The following USP7 variants were observed in gnomAD, a reference collection of about 807,000 sequenced individuals.
USP7 encodes ubiquitin specific peptidase 7, also known as ubiquitin C-terminal hydrolase 7.
In USP7, 9 loss-of-function variants were observed where a neutral mutation model predicts 162.9. The ratio of observed to expected loss-of-function variants is 0.06; its 90% CI spans 0.03 to 0.10. The LOEUF (loss-of-function observed/expected upper bound fraction) is 0.10, where lower values mean the gene tolerates loss of function less well. Ranked by LOEUF, USP7 falls within the 10% of genes least tolerant of loss-of-function variation. The probability of loss-of-function intolerance (pLI) is 1.00; values close to 1 mark genes in which losing one functional copy is unlikely to be tolerated. For missense variants in USP7, 715 were observed against 1,373.7 expected, an observed-to-expected ratio of 0.52 and a Z score of 7.58; for synonymous variants, 562 against 475.9, an observed-to-expected ratio of 1.18 and a Z score of -2.35.
chr16:8,945,369 G>A (rs908424055), intron 1 of USP7, among the ~76,000 whole-genome samples: 2 of 152,214 alleles, frequency 1.3e-5, no homozygotes, highest in African/African-American at 4.8e-5. Flanking sequence ...GGGCAACACA[G>A]CAAGATGCTG....
intron 1 of USP7, among the ~76,000 whole-genome samples, chr16:8,952,678 T>C (rs1567247604): frequency 1.3e-5 from 2 of 152,178 alleles, no homozygotes; most frequent in African/African-American, 4.8e-5. Flanking sequence ...CTTTGCCATG[T>C]AACGTAACAT....
intron 1 of USP7, among the ~76,000 whole-genome samples, chr16:8,952,562 T>TC (rs1413022527): frequency 6.6e-6 from 1 of 152,122 alleles, no homozygotes; most frequent in African/African-American, 2.4e-5. Context: ...TCTTCTCAGG[T>TC]CCCCTCACTC....
chr16:8,900,890 T>C (rs919549904), intron 20 of USP7, 100 bp downstream of exon 20: 21 of 1,206,246 alleles, frequency 1.7e-5, no homozygotes, highest in African/African-American at 9.2e-5. Flanking sequence ...AGTTAGCTGG[T>C]AGACCTAACA....
intron 23 of USP7, among the ~76,000 whole-genome samples, chr16:8,898,888 G>A (rs1413514349): frequency 6.6e-6 from 1 of 152,218 alleles, no homozygotes; most frequent in African/African-American, 2.4e-5. Context: ...ACACATGGGA[G>A]ATGCACTGAG....
chr16:8,930,447 T>G (rs201226219), intron 1 of USP7, 50 bp from the exon 2 acceptor site: 1 of 1,357,144 alleles, frequency 7.4e-7, no homozygotes, highest in Non-Finnish European at 1.0e-6. Context: ...ATGGCTTTAA[T>G]AGAATAAGCA....
At chr16:8,959,372 G>A (rs62031322) in intron 1 of USP7, among the ~76,000 whole-genome samples, 10 of 148,922 alleles carry the variant, frequency 6.7e-5, no homozygotes, top group Non-Finnish European at 1.5e-4. Context: ...AAAAAAAAAG[G>A]ATACCTTCTT....
At chr16:8,903,462 C>G in intron 15 of USP7, 60 bp from the exon 16 acceptor site, 1 of 1,564,862 alleles carries the variant, frequency 6.4e-7, no homozygotes, top group South Asian at 1.2e-5. Context: ...TGAGTCCACA[C>G]TGAACACATT....
intron 2 of USP7, among the ~76,000 whole-genome samples, chr16:8,928,270 T>C (rs1161689752): frequency 6.6e-6 from 1 of 152,150 alleles, no homozygotes; most frequent in African/African-American, 2.4e-5. Context: ...AAACTTCTAA[T>C]GAGGTGCTTC....
At chr16:8,962,800 C>G (rs1452759444) in intron 1 of USP7, 1 of 157,050 alleles carries the variant, frequency 6.4e-6, no homozygotes, top group Non-Finnish European at 1.4e-5. Flanking sequence ...CGGGCGAGCC[C>G]CGCGCCCGGG....
chr16:8,938,710 C>CAAA lies in USP7; in HGVS notation c.80-8316_80-8314dup, dbSNP rs397944053. On this transcript the variant is annotated intron_variant, in intron 1 of 30. Transcript: ENST00000344836. ...TGGGTAACACAGCAAGACTCCGTCT[C>CAAA]AAAAAAAAAAAAATTGGGGGGACGG... Among the ~76,000 whole-genome samples, 705 of 145,970 alleles carry CAAA rather than the reference C, an allele frequency of 4.8e-3. 3 individuals are homozygous for CAAA. Among genetic ancestry groups the CAAA allele is most frequent in the African/African-American group, 0.016 (629 of 39,564 alleles).
chr16:8,961,149 T>G (rs1179601638), intron 1 of USP7, among the ~76,000 whole-genome samples: 1 of 152,160 alleles, frequency 6.6e-6, no homozygotes, highest in East Asian at 1.9e-4. Flanking sequence ...CTTGAAAACG[T>G]GCATGGAGAC....
At position 8,921,302 on chromosome 16, in the gene USP7, A is replaced by G; in HGVS notation, c.384-7T>C. 1 of 1,612,572 alleles carries G rather than the reference A, an allele frequency of 6.2e-7. No homozygotes were observed. The highest frequency in any genetic ancestry group is 1.1e-5 in the South Asian group (1 of 90,734). On this transcript the variant is annotated splice_polypyrimidine_tract_variant and splice_region_variant and intron_variant, in intron 3 of 30. Transcript: ENST00000344836. ...TGCATGGCAAGACCATGACCTGTTT[A>G]AAAGAATAATCTGAGCCTTAGTTGA...
intron 15 of USP7, among the ~76,000 whole-genome samples, chr16:8,903,864 T>C (rs1333625819): frequency 7.9e-6 from 1 of 126,580 alleles, no homozygotes; most frequent in Non-Finnish European, 1.7e-5. Flanking sequence ...TGAAACTCTG[T>C]CTCAAAAAAA....
chr16:8,903,553 T>C, intron 15 of USP7, 151 bp from the exon 16 acceptor site: 1 of 1,049,970 alleles, frequency 9.5e-7, no homozygotes, highest in East Asian at 2.7e-5. Flanking sequence ...CCGCATAAAA[T>C]GACCAAAACC....
intron 15 of USP7, 77 bp downstream of exon 15, chr16:8,904,358 G>C: frequency 6.3e-7 from 1 of 1,575,728 alleles, no homozygotes; most frequent in Admixed American, 1.7e-5. Flanking sequence ...GAGGGGTGGG[G>C]GCTGACCTGC....
Position 8,893,345 on chromosome 16 carries a change from C to T in USP7, c.*653G>A, listed in dbSNP as rs1012739623. On this transcript the variant is annotated 3_prime_UTR_variant, in exon 31 of 31. Transcript: ENST00000344836. The stretch of plus-strand genomic sequence containing the variant: ...GTTCTTGATTTAATAAAAAGACCCC[C>T]ACAATGTCTGTCCGGACTGTATTCA... 2 of 152,220 alleles carry T rather than the reference C, an allele frequency of 1.3e-5. No individual in the cohort carries two copies. The highest frequency in any genetic ancestry group is 2.4e-5 in the African/African-American group (1 of 41,410). 9.4% of individuals were successfully genotyped at this position (152,220 alleles called of 1,614,324 possible).
chr16:8,894,956 GCAGATTCGGCAA>G, intron 28 of USP7, 63 bp downstream of exon 28: 1 of 1,613,192 alleles, frequency 6.2e-7, no homozygotes. Flanking sequence ...CAGCAGGAGC[GCAGATTCGGCAA>G]CAGCGGCCAC....
At chr16:8,948,615 T>C (rs535481839) in intron 1 of USP7, among the ~76,000 whole-genome samples, 2 of 152,274 alleles carry the variant, frequency 1.3e-5, no homozygotes, top group African/African-American at 4.8e-5. Context: ...CTTTGCTAAA[T>C]CATGGTGAAG....
intron 2 of USP7, among the ~76,000 whole-genome samples, chr16:8,923,627 G>A (rs1197011095): frequency 6.6e-6 from 1 of 152,156 alleles, no homozygotes; most frequent in Non-Finnish European, 1.5e-5. Flanking sequence ...CCAAAACTCA[G>A]AGTGCTAACC....
Sources: allele counts gnomAD v4.1 joint callset (sites outside exome capture counted in the v4.1 genomes callset), GRCh38; gene constraint gnomAD v4.1.1; transcripts MANE v1.5; gene names NCBI Gene and HGNC (gene_info 2026-07-23, HGNC 2026-07-21).